PLCXD3: variants seen among roughly 807,000 people sequenced by gnomAD.
The protein encoded by PLCXD3 is PI-PLC X domain-containing protein 3.
PLCXD3 carries 19 observed loss-of-function variants against 25.5 expected under a neutral mutation model. That is an observed-to-expected ratio of 0.75 (90% CI 0.52 to 1.09). The LOEUF is 1.09. Ranked by LOEUF, PLCXD3 falls within the 50% of genes least tolerant of loss-of-function variation. PLCXD3 has a pLI of 0.00. For synonymous variants in PLCXD3, 174 were observed against 137.6 expected, an observed-to-expected ratio of 1.26 and a Z score of -1.85; for missense variants, 411 against 388.1, an observed-to-expected ratio of 1.06 and a Z score of -0.50.
chr5:41,458,569 T>C (rs1232478259), intron 1 of PLCXD3, among the ~76,000 whole-genome samples: 1 of 151,962 alleles, frequency 6.6e-6, no homozygotes, highest in East Asian at 1.9e-4. Context: ...AGGAACTGTG[T>C]TAAGTGTTGG....
chr5:41,487,567 TATTCATAAGCACTAG>T (rs1748546293), intron 1 of PLCXD3, among the ~76,000 whole-genome samples: 1 of 152,254 alleles, frequency 6.6e-6, no homozygotes, highest in African/African-American at 2.4e-5. Context: ...ATAAAGTAGT[TATTCATAAGCACTAG>T]ATAATGTATA....
At chr5:41,319,195 C>T (rs972536967) in intron 2 of PLCXD3, among the ~76,000 whole-genome samples, 7 of 152,094 alleles carry the variant, frequency 4.6e-5, no homozygotes, top group African/African-American at 1.7e-4. Flanking sequence ...ACTTTCAGTA[C>T]TGAACAGATC....
chr5:41,391,791 G>A lies in PLCXD3; in HGVS notation c.104-9257C>T, dbSNP rs533465009. Among the ~76,000 whole-genome samples, 12 of 152,258 alleles carry A rather than the reference G, an allele frequency of 7.9e-5. No homozygotes were observed. In the South Asian group the frequency reaches 2.3e-3, roughly 29 times the overall value. On this transcript the variant is annotated intron_variant, in intron 1 of 2. Transcript: ENST00000377801. ...GACTTGACTCTTGAACAGCATTTAT[G>A]GACATGCCCTGGATCAAACGGGAGA...
At chr5:41,352,939 G>A (rs890905945) in intron 2 of PLCXD3, among the ~76,000 whole-genome samples, 3 of 152,136 alleles carry the variant, frequency 2.0e-5, no homozygotes, top group Admixed American at 2.0e-4. Flanking sequence ...ATCTTAAAGA[G>A]CAAGAAAATA....
chr5:41,398,727 A>G (rs1746085278), intron 1 of PLCXD3, among the ~76,000 whole-genome samples: 1 of 152,192 alleles, frequency 6.6e-6, no homozygotes, highest in Non-Finnish European at 1.5e-5. Context: ...CTACCTCAAC[A>G]TAATAGCCAT....
At chr5:41,389,551 C>G (rs1329191724) in intron 1 of PLCXD3, among the ~76,000 whole-genome samples, 1 of 152,136 alleles carries the variant, frequency 6.6e-6, no homozygotes, top group Non-Finnish European at 1.5e-5. Flanking sequence ...AGATAACCAA[C>G]TGTAGCTAAA....
At chr5:41,408,746 A>C (rs895265559) in intron 1 of PLCXD3, among the ~76,000 whole-genome samples, 5 of 152,160 alleles carry the variant, frequency 3.3e-5, no homozygotes, top group African/African-American at 1.2e-4. Context: ...GTGTCGCATA[A>C]GTAAGCCTAA....
rs1356740087 is a variant in PLCXD3, at chr5:41,311,177, G to C, written c.*2440C>G. Reference sequence around the variant, plus strand: ...CTCCTGAAGGATGAATGAATAGCCAGTTAGAGAGAAAGTCTGCCCAAAAAC... The same window carrying C: ...CTCCTGAAGGATGAATGAATAGCCACTTAGAGAGAAAGTCTGCCCAAAAAC... On this transcript the variant is annotated 3_prime_UTR_variant, in exon 3 of 3. Transcript: ENST00000377801. 1.3e-5 allele frequency: 2 copies of C among 152,108 alleles called. No individual in the cohort carries two copies. Among genetic ancestry groups the C allele is most frequent in the Non-Finnish European group, 2.9e-5 (2 of 68,000 alleles). The allele number at this position is 152,108 out of a possible 1,614,324, so 9.4% of individuals were successfully genotyped here. A position where few individuals can be genotyped will look rare whatever the true frequency, so the allele number is the denominator to read the frequency against.
At chr5:41,380,571 AT>A (rs2150492192) in intron 2 of PLCXD3, among the ~76,000 whole-genome samples, 1 of 152,242 alleles carries the variant, frequency 6.6e-6, no homozygotes, top group South Asian at 2.1e-4. Context: ...TGGAAAATGT[AT>A]TCTTACACCA....
At chr5:41,432,119 T>A (rs1256884817) in intron 1 of PLCXD3, among the ~76,000 whole-genome samples, 1 of 152,192 alleles carries the variant, frequency 6.6e-6, no homozygotes, top group Non-Finnish European at 1.5e-5. Flanking sequence ...CCCAGCTTTT[T>A]CTGGTTTCTT....
intron 1 of PLCXD3, among the ~76,000 whole-genome samples, chr5:41,495,210 A>T (rs1398212114): frequency 5.3e-5 from 8 of 152,246 alleles, no homozygotes; most frequent in Non-Finnish European, 1.2e-4. Context: ...AGAGGAGACT[A>T]GACTGCACGT....
At chr5:41,370,120 A>T (rs944695021) in intron 2 of PLCXD3, among the ~76,000 whole-genome samples, 8 of 152,222 alleles carry the variant, frequency 5.3e-5, no homozygotes, top group Admixed American at 2.0e-4. Context: ...GGAAGGAAAG[A>T]ATATTTTAAA....
At chr5:41,377,573 G>A (rs1440232861) in intron 2 of PLCXD3, among the ~76,000 whole-genome samples, 2 of 151,930 alleles carry the variant, frequency 1.3e-5, no homozygotes, top group African/African-American at 4.8e-5. Context: ...GCAAAAACTG[G>A]TGTTTGAAAA....
At chr5:41,484,570 G>A (rs1398727888) in intron 1 of PLCXD3, among the ~76,000 whole-genome samples, 2 of 151,984 alleles carry the variant, frequency 1.3e-5, no homozygotes. Context: ...ATATCTAAAT[G>A]GTAAGATTGC....
intron 2 of PLCXD3, among the ~76,000 whole-genome samples, chr5:41,329,499 A>C (rs1743727217): frequency 6.6e-6 from 1 of 152,230 alleles, no homozygotes; most frequent in Admixed American, 6.5e-5. Flanking sequence ...GCAGTAACAT[A>C]ATTCATAAAA....
chr5:41,324,370 A>G (rs180956974), intron 2 of PLCXD3, among the ~76,000 whole-genome samples: 16 of 152,284 alleles, frequency 1.1e-4, no homozygotes, highest in African/African-American at 3.1e-4. Context: ...ACCTTGAGCT[A>G]CACTAATCCC....
In PLCXD3 at chr5:41,477,754, T is replaced by C. The variant is rs373391841; in HGVS notation, c.103+32670A>G. Among the ~76,000 whole-genome samples the C allele has an allele frequency of 1.2e-4, 18 of 152,286 alleles. No individual in the cohort carries two copies. The East Asian group carries it at 2.9e-3, about 24-fold the overall frequency. ...CCTATATCTCAGTGCAATTTCCTAC[T>C]TATCCACTCCCGACTATACCCTGCT... On this transcript the variant is annotated intron_variant, in intron 1 of 2. Coordinates refer to ENST00000377801, the MANE Select transcript of PLCXD3 (RefSeq NM_001005473.3).
intron 1 of PLCXD3, among the ~76,000 whole-genome samples, chr5:41,403,407 T>TTTG (rs1746254257): frequency 2.9e-5 from 1 of 34,522 alleles, no homozygotes; most frequent in Non-Finnish European, 7.1e-5. Flanking sequence ...TGTTGTTTTT[T>TTTG]TTTTTTTTTA....
intron 1 of PLCXD3, among the ~76,000 whole-genome samples, chr5:41,384,543 A>G (rs1357243164): frequency 6.6e-6 from 1 of 152,088 alleles, no homozygotes; most frequent in African/African-American, 2.4e-5. Flanking sequence ...TTACTTCTGT[A>G]ATCTAGTAGA....
Sources: gnomAD v4.1 joint callset for allele counts (sites outside exome capture counted in the v4.1 genomes callset) on GRCh38, gnomAD v4.1.1 for gene constraint, MANE v1.5 for transcripts, NCBI Gene and HGNC (gene_info 2026-07-23, HGNC 2026-07-21) for gene names.